The following NCKAP5 variants were observed in gnomAD, a reference collection of about 807,000 sequenced individuals.
NCKAP5 encodes NCK associated protein 5.
A neutral mutation model predicts 167.0 loss-of-function variants in NCKAP5; 92 were observed. The ratio of observed to expected loss-of-function variants is 0.55; its 90% CI spans 0.47 to 0.66. NCKAP5 has a LOEUF of 0.66. Among genes scored for constraint, NCKAP5 ranks in the 30% least tolerant of loss-of-function variants. The pLI is 0.00. For synonymous variants in NCKAP5, 891 were observed against 877.4 expected (o/e 1.02, Z -0.27); for missense variants, 2,378 against 2,315.0 (o/e 1.03, Z -0.56).
chr2:133,654,875 AC>A, the NCKAP5 span, among the ~76,000 whole-genome samples: 1 of 152,088 alleles, frequency 6.6e-6, no homozygotes, highest in East Asian at 1.9e-4. Context: ...AGATGCCATA[AC>A]CTTTAACTGG....
chr2:133,425,252 G>A (rs1270261644), intron 3 of NCKAP5, among the ~76,000 whole-genome samples: 2 of 152,174 alleles, frequency 1.3e-5, no homozygotes, highest in African/African-American at 4.8e-5. Context: ...GGGGATAGAG[G>A]GAATTTCTAA....
At chr2:132,958,049 G>A (rs1376768810) in intron 8 of NCKAP5, among the ~76,000 whole-genome samples, 5 of 152,156 alleles carry the variant, frequency 3.3e-5, no homozygotes, top group African/African-American at 1.2e-4. Flanking sequence ...AAATGTGTAT[G>A]CCTTTTCTCC....
chr2:132,861,880 C>G (rs545580130), intron 10 of NCKAP5, among the ~76,000 whole-genome samples: 1 of 152,352 alleles, frequency 6.6e-6, no homozygotes, highest in African/African-American at 2.4e-5. Flanking sequence ...AATAACCACA[C>G]CAGCATATTG....
At chr2:132,941,703 C>A (rs1280443245) in intron 8 of NCKAP5, among the ~76,000 whole-genome samples, 6 of 152,146 alleles carry the variant, frequency 3.9e-5, no homozygotes, top group Non-Finnish European at 8.8e-5. Flanking sequence ...CATGAGTCGA[C>A]AAATTCCGTT....
intron 5 of NCKAP5, among the ~76,000 whole-genome samples, chr2:133,178,972 C>T (rs1284139356): frequency 6.6e-6 from 1 of 151,960 alleles, no homozygotes; most frequent in African/African-American, 2.4e-5. Context: ...TCAAAACCAG[C>T]CTGCGTAACA....
At chr2:133,612,844 T>A in the NCKAP5 span, among the ~76,000 whole-genome samples, 1 of 152,206 alleles carries the variant, frequency 6.6e-6, no homozygotes, top group African/African-American at 2.4e-5. Flanking sequence ...GAAGCCTTTA[T>A]AACATTGCTC....
At position 133,488,686 on chromosome 2, in the gene NCKAP5, G is replaced by A. The variant is rs530042873; in HGVS notation, c.69+28772C>T. Among the ~76,000 whole-genome samples the A allele has an allele frequency of 1.3e-3, 198 of 152,174 alleles. 1 individual carries two copies. The highest frequency in any genetic ancestry group is 4.5e-3 in the African/African-American group (186 of 41,510). ...CATCTCTACCAAATTAAATTTGGGA[G>A]GCTAAGGTGGGCGGATCATGAGGTC... is the stretch of plus-strand genomic sequence containing the variant. On this transcript the variant is annotated intron_variant, in intron 3 of 19. Transcript: ENST00000409261.
At chr2:133,099,330 T>A (rs2081433646) in intron 6 of NCKAP5, among the ~76,000 whole-genome samples, 2 of 152,156 alleles carry the variant, frequency 1.3e-5, no homozygotes, top group South Asian at 2.1e-4. Context: ...ATTTGATTAT[T>A]TTTTTTCCAG....
intron 6 of NCKAP5, among the ~76,000 whole-genome samples, chr2:133,092,700 A>T (rs1014841799): frequency 1.3e-5 from 2 of 152,174 alleles, no homozygotes; most frequent in African/African-American, 4.8e-5. Flanking sequence ...ACTGTCCTTC[A>T]TTACAGTGGC....
chr2:132,899,878 CAAACAAACAAACAA>C (rs533781258), intron 8 of NCKAP5, among the ~76,000 whole-genome samples: 4 of 151,798 alleles, frequency 2.6e-5, no homozygotes, highest in Admixed American at 6.6e-5. Flanking sequence ...CCATCTCAAA[CAAACAAACAAACAA>C]AAACAAACAA....
chr2:133,134,711 A>G (rs963521017), intron 5 of NCKAP5, among the ~76,000 whole-genome samples: 1 of 152,218 alleles, frequency 6.6e-6, no homozygotes, highest in African/African-American at 2.4e-5. Flanking sequence ...ACAGAGCTCA[A>G]ACTGAGCCAT....
chr2:133,021,568 A>C (rs775915567), intron 6 of NCKAP5, among the ~76,000 whole-genome samples: 1 of 152,266 alleles, frequency 6.6e-6, no homozygotes, highest in Non-Finnish European at 1.5e-5. Flanking sequence ...ACACAGGCAC[A>C]CATGCACATG....
At chr2:133,128,946 T>A (rs1474554055) in intron 6 of NCKAP5, among the ~76,000 whole-genome samples, 2 of 7,288 alleles carry the variant, frequency 2.7e-4, no homozygotes, top group African/African-American at 1.6e-3. Context: ...AACTCACTGA[T>A]TTTTTTTTTT....
chr2:132,713,527 T>G (rs1689062116), intron 19 of NCKAP5, among the ~76,000 whole-genome samples: 1 of 152,172 alleles, frequency 6.6e-6, no homozygotes, highest in Admixed American at 6.5e-5. Context: ...CATGGGACAC[T>G]GTGGTGCAAT....
chr2:133,234,441 G>A (rs1301915764), intron 4 of NCKAP5, among the ~76,000 whole-genome samples: 1 of 152,084 alleles, frequency 6.6e-6, no homozygotes, highest in African/African-American at 2.4e-5. Context: ...TTAGTTCTCT[G>A]GACCCTGACA....
rs563674494 is a variant in NCKAP5, at chr2:133,309,005, C to T, written c.70-5895G>A. 2.3e-3 allele frequency among the ~76,000 whole-genome samples: 351 copies of T among 151,752 alleles called. 1 individual carries two copies. Among genetic ancestry groups the T allele is most frequent in the Non-Finnish European group, 4.5e-3 (303 of 67,934 alleles). Reference sequence around the variant, plus strand: ...GATTACAGGCGTGAGCCACCGCGCCCGGCCGAAGAAATACAATTCTTAAAC... The same window carrying T: ...GATTACAGGCGTGAGCCACCGCGCCTGGCCGAAGAAATACAATTCTTAAAC... On this transcript the variant is annotated intron_variant, in intron 3 of 19. Transcript: ENST00000409261.
the NCKAP5 span, among the ~76,000 whole-genome samples, chr2:133,633,577 T>C: frequency 6.6e-6 from 1 of 152,116 alleles, no homozygotes; most frequent in South Asian, 2.1e-4. Flanking sequence ...GATAGGGAGG[T>C]ATGAAGGTAG....
chr2:132,962,407 C>T (rs976855877), intron 8 of NCKAP5, among the ~76,000 whole-genome samples: 1 of 151,788 alleles, frequency 6.6e-6, no homozygotes, highest in Non-Finnish European at 1.5e-5. Flanking sequence ...AGAAAGTAGT[C>T]GAACAGGGAT....
At chr2:133,238,850 G>T (rs1397580850) in intron 4 of NCKAP5, among the ~76,000 whole-genome samples, 1 of 152,142 alleles carries the variant, frequency 6.6e-6, no homozygotes, top group South Asian at 2.1e-4. Context: ...AACCTGTCTG[G>T]TCCTGGTTTT....
Sources: gnomAD v4.1 joint callset for allele counts (sites outside exome capture counted in the v4.1 genomes callset) on GRCh38, gnomAD v4.1.1 for gene constraint, MANE v1.5 for transcripts, NCBI Gene and HGNC (gene_info 2026-07-23, HGNC 2026-07-21) for gene names.